SCARB2: variants seen among roughly 807,000 people sequenced by gnomAD.
SCARB2 encodes the protein scavenger receptor class B member 2.
In SCARB2, 29 loss-of-function variants were observed where a neutral mutation model predicts 58.6. The ratio of observed to expected loss-of-function variants is 0.49; its 90% CI spans 0.37 to 0.67. SCARB2 has a LOEUF of 0.67. Ranked by LOEUF, SCARB2 falls within the 30% of genes least tolerant of loss-of-function variation. The probability of loss-of-function intolerance (pLI) is 0.00; values close to 1 mark genes in which losing one functional copy is unlikely to be tolerated. For synonymous variants in SCARB2, 195 were observed against 210.1 expected (o/e 0.93, Z 0.62); for missense variants, 488 against 578.5 (o/e 0.84, Z 1.60).
intron 2 of SCARB2, among the ~76,000 whole-genome samples, chr4:76,188,762 C>T (rs1732539338): frequency 6.6e-6 from 1 of 152,208 alleles, no homozygotes; most frequent in African/African-American, 2.4e-5. Context: ...GCAAAAGGCA[C>T]ATGTAGAGAC....
intron 1 of SCARB2, among the ~76,000 whole-genome samples, chr4:76,196,667 G>A (rs1276027395): frequency 3.9e-5 from 6 of 152,084 alleles, no homozygotes; most frequent in Admixed American, 3.9e-4. Context: ...CACCACCAGG[G>A]GCTTTAAATG....
chr4:76,217,169 T>C (rs1733222515), upstream of SCARB2, among the ~76,000 whole-genome samples: 1 of 152,214 alleles, frequency 6.6e-6, no homozygotes, highest in South Asian at 2.1e-4. Context: ...CTTTGCCCTC[T>C]CATCCAGGGA....
intron 10 of SCARB2, chr4:76,165,981 C>G (rs992498232): frequency 1.8e-6 from 1 of 554,638 alleles, no homozygotes. Context: ...TTACCTGTTT[C>G]TGTTTCCTAC....
rs148558907 is a variant in SCARB2, at chr4:76,213,535, T to C, written c.9A>G (p.Arg3=). Residue 3 remains arginine (R), a synonymous_variant, in exon 1 of 12, where the codon CGA becomes CGG. Transcript: ENST00000264896. ...ACGTCCCCGCCGTGTAGAAGCAGCA[T>C]CGGCCCATTCTGTGCGCCGCTCACG... is the stretch of plus-strand genomic sequence containing the variant. MG[R]CCFYTAGTLS... is the part of the protein sequence containing the mutation. The C allele has an allele frequency of 4.0e-5, 65 of 1,608,804 alleles. No individual in the cohort carries two copies. The highest frequency in any genetic ancestry group is 5.3e-5 in the Non-Finnish European group (62 of 1,177,906).
At chr4:76,169,269 A>G (rs568683599) in intron 8 of SCARB2, among the ~76,000 whole-genome samples, 3 of 151,170 alleles carry the variant, frequency 2.0e-5, no homozygotes, top group Admixed American at 1.3e-4. Flanking sequence ...CATGGTTAGC[A>G]TGGTTTTTGT....
intron 1 of SCARB2, among the ~76,000 whole-genome samples, chr4:76,203,500 G>A (rs1732870975): frequency 6.6e-6 from 1 of 152,184 alleles, no homozygotes; most frequent in Admixed American, 6.5e-5. Context: ...GTTTGAACTT[G>A]CATTTCTTGA....
chr4:76,169,072 T>C (rs546298694), intron 8 of SCARB2, among the ~76,000 whole-genome samples: 1 of 152,348 alleles, frequency 6.6e-6, no homozygotes, highest in Admixed American at 6.5e-5. Context: ...GATCAGCTGA[T>C]GGCTAAGAGA....
Position 76,158,937 on chromosome 4 carries a change from A to G in SCARB2, c.*2776T>C, listed in dbSNP as rs1037460584. ...ATGCGGACCACCTTTTGCAGAACTC[A>G]TATCTCGAGCAGTTTAAATTAAAAA... On this transcript the variant is annotated 3_prime_UTR_variant, in exon 12 of 12. Coordinates refer to ENST00000264896, the MANE Select transcript of SCARB2 (RefSeq NM_005506.4). The G allele has an allele frequency of 3.3e-5, 5 of 152,226 alleles. No homozygotes were observed. Among genetic ancestry groups the G allele is most frequent in the Admixed American group, 6.5e-5 (1 of 15,286 alleles). 9.4% of individuals were successfully genotyped at this position (152,226 alleles called of 1,614,324 possible). A position where few individuals can be genotyped will look rare whatever the true frequency, so the allele number is the denominator to read the frequency against.
In SCARB2 at chr4:76,188,779, GC is replaced by G. The variant is rs551952260; in HGVS notation, c.275+6927del. Reference sequence around the variant, plus strand: ...AAAAGGCACATGTAGAGACTAACAGGCCCCATAGAAGGTTTGGACAGCTCCC... The same window carrying G: ...AAAAGGCACATGTAGAGACTAACAGGCCCATAGAAGGTTTGGACAGCTCCC... On this transcript the variant is annotated intron_variant, in intron 2 of 11. Coordinates refer to ENST00000264896, the MANE Select transcript of SCARB2 (RefSeq NM_005506.4). Among the ~76,000 whole-genome samples the G allele has an allele frequency of 4.6e-5, 7 of 152,290 alleles. No homozygotes were observed. In the South Asian group the frequency reaches 1.2e-3, roughly 27 times the overall value.
chr4:76,202,885 A>T (rs536640499), intron 1 of SCARB2, among the ~76,000 whole-genome samples: 56 of 152,344 alleles, frequency 3.7e-4, no homozygotes, highest in South Asian at 8.3e-4. Context: ...TATTTAAAAA[A>T]ATATACTAAA....
At chr4:76,187,153 C>T (rs4859429) in intron 2 of SCARB2, among the ~76,000 whole-genome samples, 54,902 of 152,040 alleles carry the variant, frequency 0.36, 12,945 homozygotes, top group African/African-American at 0.66. Flanking sequence ...TGTGGAAAAA[C>T]AGAACTATAA....
At chr4:76,229,015 C>T (rs753809728) in intron 1 of SCARB2, among the ~76,000 whole-genome samples, 2 of 152,066 alleles carry the variant, frequency 1.3e-5, no homozygotes, top group African/African-American at 4.8e-5. Flanking sequence ...ATTTCATGGA[C>T]GCTTTATTCA....
upstream of SCARB2, chr4:76,214,220 T>G (rs1733154604): frequency 2.2e-6 from 1 of 454,492 alleles, no homozygotes. Flanking sequence ...GGGACACCGT[T>G]ACCGCAATTA....
chr4:76,234,287 G>T, intron 1 of SCARB2: 1 of 152,628 alleles, frequency 6.6e-6, no homozygotes. Flanking sequence ...GAGAGGTTTT[G>T]AGTCATTTCA....
At chr4:76,190,685 G>A (rs1026459913) in intron 2 of SCARB2, among the ~76,000 whole-genome samples, 1 of 152,160 alleles carries the variant, frequency 6.6e-6, no homozygotes. Flanking sequence ...GGGGGAGGCT[G>A]AGGCAGAAGA....
intron 1 of SCARB2, among the ~76,000 whole-genome samples, chr4:76,231,984 C>T (rs4859640): frequency 0.59 from 89,125 of 151,968 alleles, 26,998 homozygotes; most frequent in East Asian, 0.99. Context: ...AATTGTGTCC[C>T]GTTGCAAGAG....
At chr4:76,198,627 C>T (rs1158328990) in intron 1 of SCARB2, among the ~76,000 whole-genome samples, 2 of 152,176 alleles carry the variant, frequency 1.3e-5, no homozygotes, top group East Asian at 1.9e-4. Context: ...CCCTCCACCC[C>T]CACAGCCCTT....
At chr4:76,216,088 C>T (rs113564938), upstream of SCARB2, among the ~76,000 whole-genome samples, 8 of 152,254 alleles carry the variant, frequency 5.3e-5, no homozygotes, top group African/African-American at 1.9e-4. Context: ...CTGTCCCCAG[C>T]CTGATGGGTG....
chr4:76,163,003 C>T, intron 11 of SCARB2: 1 of 620,126 alleles, frequency 1.6e-6, no homozygotes. Context: ...AGATTCTATT[C>T]CCCAAATATT....
Sources: allele counts gnomAD v4.1 joint callset (sites outside exome capture counted in the v4.1 genomes callset), GRCh38; gene constraint gnomAD v4.1.1; transcripts MANE v1.5; gene names NCBI Gene and HGNC (gene_info 2026-07-23, HGNC 2026-07-21).